Variants in CSMD2 observed in about 807,000 individuals in gnomAD.
CSMD2 encodes the protein CUB and Sushi multiple domains 2.
A neutral mutation model predicts 398.5 loss-of-function variants in CSMD2; 130 were observed. That is an observed-to-expected ratio of 0.33 (90% confidence interval 0.28 to 0.38). The LOEUF (loss-of-function observed/expected upper bound fraction) is 0.38, where lower values mean the gene tolerates loss of function less well. CSMD2 is among the 10% of genes least tolerant of loss of function. The pLI, the probability that CSMD2 is intolerant of heterozygous loss-of-function variation, is 1.00. For synonymous variants in CSMD2, 1,828 were observed against 1,908.5 expected, an observed-to-expected ratio of 0.96 and a Z score of 1.10; for missense variants, 3,829 against 4,764.9, an observed-to-expected ratio of 0.80 and a Z score of 5.78.
At chr1:33,524,752 T>A in intron 66 of CSMD2, 130 bp downstream of exon 66, 1 of 853,524 alleles carries the variant, frequency 1.2e-6, no homozygotes, top group Non-Finnish European at 1.8e-6. Flanking sequence ...AATAGACACT[T>A]CCTCTTCCCT....
At chr1:33,974,188 G>C (rs1255769393) in intron 3 of CSMD2, among the ~76,000 whole-genome samples, 4 of 152,188 alleles carry the variant, frequency 2.6e-5, no homozygotes, top group Non-Finnish European at 5.9e-5. Context: ...AACATCCCCG[G>C]TATATCAAAG....
chr1:33,646,311 T>A (rs919589025), intron 29 of CSMD2, among the ~76,000 whole-genome samples: 1 of 152,072 alleles, frequency 6.6e-6, no homozygotes, highest in African/African-American at 2.4e-5. Context: ...TTTAGTGAAG[T>A]GGAGTGAAGG....
chr1:33,719,937 G>C (rs1032478488), intron 19 of CSMD2, among the ~76,000 whole-genome samples: 6 of 152,186 alleles, frequency 3.9e-5, no homozygotes, highest in Non-Finnish European at 7.4e-5. Context: ...AAAGGTGTCA[G>C]CTCTGGGGTC....
chr1:33,649,079 A>G (rs1163252988), intron 28 of CSMD2, among the ~76,000 whole-genome samples: 1 of 152,188 alleles, frequency 6.6e-6, no homozygotes, highest in Non-Finnish European at 1.5e-5. Flanking sequence ...AAACTTTTTG[A>G]AGTCCCCCCT....
chr1:34,089,301 C>T, intron 1 of CSMD2, 108 bp from the exon 2 acceptor site: 2 of 1,079,554 alleles, frequency 1.9e-6, no homozygotes, highest in Non-Finnish European at 1.4e-6. Flanking sequence ...TTTCCAAGTG[C>T]TTCCCATGAG....
At chr1:33,654,437 A>C (rs572910238) in intron 27 of CSMD2, among the ~76,000 whole-genome samples, 1 of 152,068 alleles carries the variant, frequency 6.6e-6, no homozygotes, top group Non-Finnish European at 1.5e-5. Flanking sequence ...TAGCCAGAGT[A>C]GAGGAGGCGT....
intron 13 of CSMD2, among the ~76,000 whole-genome samples, chr1:33,771,883 C>T (rs1401180491): frequency 6.6e-6 from 1 of 152,180 alleles, no homozygotes; most frequent in Admixed American, 6.5e-5. Flanking sequence ...CTGGGCCTCC[C>T]TTGGCTACAC....
At position 33,618,712 on chromosome 1, in the gene CSMD2, G is replaced by A. The variant is rs551881857; in HGVS notation, c.5828-1095C>T. ...CTGAGCACTTCCATGAGCAAGGCTG[G>A]GGCCCATTGGTGAGGGTATCCCCTC... On this transcript the variant is annotated intron_variant, in intron 37 of 70. Coordinates refer to ENST00000373381, the MANE Select transcript of CSMD2 (RefSeq NM_001281956.2). Among the ~76,000 whole-genome samples, 4 of 152,032 alleles carry A rather than the reference G, an allele frequency of 2.6e-5. No individual in the cohort carries two copies. The East Asian group carries it at 7.8e-4, about 30-fold the overall frequency.
intron 3 of CSMD2, among the ~76,000 whole-genome samples, chr1:33,947,693 G>A (rs1455203737): frequency 6.6e-6 from 1 of 152,206 alleles, no homozygotes; most frequent in Non-Finnish European, 1.5e-5. Flanking sequence ...CAGGGCGACT[G>A]CAAAAGACAG....
Position 33,592,265 on chromosome 1 carries a change from A to C in CSMD2, c.6857-5097T>G. 9.0e-6 allele frequency: 6 copies of C among 665,784 alleles called. No homozygotes were observed. In the South Asian group the frequency reaches 1.0e-4, roughly 11 times the overall value. 41.2% of individuals were successfully genotyped at this position (665,784 alleles called of 1,614,324 possible). Reference sequence around the variant, plus strand: ...GTTCTACTTTTTGGTCCACATGGAAAGTAGAAGAGCAGCAATCCATTGCAC... The same window carrying C: ...GTTCTACTTTTTGGTCCACATGGAACGTAGAAGAGCAGCAATCCATTGCAC... On this transcript the variant is annotated intron_variant, in intron 44 of 70. Coordinates refer to ENST00000373381, the MANE Select transcript of CSMD2 (RefSeq NM_001281956.2).
At chr1:33,999,062 GA>G (rs1191866345) in intron 3 of CSMD2, among the ~76,000 whole-genome samples, 2 of 152,138 alleles carry the variant, frequency 1.3e-5, no homozygotes, top group African/African-American at 4.8e-5. Flanking sequence ...CTTCTGGTTT[GA>G]GTGGCCCCAG....
At chr1:34,142,656 G>C (rs140937686) in intron 1 of CSMD2, among the ~76,000 whole-genome samples, 64 of 152,324 alleles carry the variant, frequency 4.2e-4, no homozygotes, top group Middle Eastern at 3.4e-3. Context: ...ATGGGCTTTG[G>C]AGTCATGCAG....
intron 12 of CSMD2, among the ~76,000 whole-genome samples, chr1:33,778,422 G>T (rs758076773): frequency 1.3e-5 from 2 of 152,046 alleles, no homozygotes; most frequent in Admixed American, 1.3e-4. Flanking sequence ...GTATAACAGC[G>T]AATAAAAGGA....
intron 1 of CSMD2, among the ~76,000 whole-genome samples, chr1:34,150,079 C>CTTTTTTTTTT (rs772520303): frequency 7.2e-6 from 1 of 138,090 alleles, no homozygotes; most frequent in African/African-American, 2.7e-5. Context: ...TTTCTTCTTT[C>CTTTTTTTTTT]TTTTTTTTTT....
chr1:33,725,434 G>C lies in CSMD2; in HGVS notation c.2610C>G (p.Phe870Leu). 6.2e-7 allele frequency: 1 copy of C among 1,614,118 alleles called. No homozygotes were observed. Among genetic ancestry groups the C allele is most frequent in the Non-Finnish European group, 8.5e-7 (1 of 1,179,970 alleles). ...GVYHGTQVPQFLISTSNYLYL... is the reference protein window; with the variant it reads ...GVYHGTQVPQLLISTSNYLYL... ...AGAGGTAGTTGCTGGTGCTGATGAG[G>C]AACTGGGGAACCTGGGTCCCGTGGT... Residue 870 changes from phenylalanine to leucine, a missense_variant, in exon 17 of 71, where the codon TTC (phenylalanine) becomes TTG (leucine). Around this residue, in one of 5 missense-constraint regions of CSMD2, gnomAD observed 2,001 missense variants for 2,567.1 expected, o/e 0.78. Transcript: ENST00000373381.
At position 33,633,289 on chromosome 1, in the gene CSMD2, C is replaced by G; in HGVS notation, c.5200+133G>C. ...CTGGCTGCTGCGTTGTAGACAAGCA[C>G]CAGAACACGACAGGCACGCAGAGCC... On this transcript the variant is annotated intron_variant, in intron 32 of 70. Coordinates refer to ENST00000373381, the MANE Select transcript of CSMD2 (RefSeq NM_001281956.2). This position sits in a 1 kb window ranked among gnomAD's most constrained non-coding sequence, Gnocchi z 5.0. The G allele has an allele frequency of 1.4e-6, 1 of 690,318 alleles. No individual in the cohort carries two copies. Among genetic ancestry groups the G allele is most frequent in the South Asian group, 1.7e-5 (1 of 57,228 alleles). The allele number at this position is 690,318 out of a possible 1,614,324, so 42.8% of individuals were successfully genotyped here.
Position 33,633,289 on chromosome 1 carries a change from C to T in CSMD2, c.5200+133G>A. On this transcript the variant is annotated intron_variant, in intron 32 of 70. Coordinates refer to ENST00000373381, the MANE Select transcript of CSMD2 (RefSeq NM_001281956.2). This position sits in a 1 kb window ranked among gnomAD's most constrained non-coding sequence, Gnocchi z 5.0. ...CTGGCTGCTGCGTTGTAGACAAGCA[C>T]CAGAACACGACAGGCACGCAGAGCC... The T allele has an allele frequency of 1.4e-6, 1 of 690,318 alleles. No individual in the cohort carries two copies. Among genetic ancestry groups the T allele is most frequent in the Non-Finnish European group, 2.5e-6 (1 of 395,294 alleles). The allele number at this position is 690,318 out of a possible 1,614,324, so 42.8% of individuals were successfully genotyped here.
intron 40 of CSMD2, among the ~76,000 whole-genome samples, chr1:33,611,870 A>G (rs1376290218): frequency 6.6e-6 from 1 of 152,216 alleles, no homozygotes; most frequent in African/African-American, 2.4e-5. Flanking sequence ...AGGTGGGAAC[A>G]TTTATGTTTG....
At chr1:33,825,393 T>C (rs1658678301) in intron 7 of CSMD2, among the ~76,000 whole-genome samples, 1 of 152,136 alleles carries the variant, frequency 6.6e-6, no homozygotes, top group Non-Finnish European at 1.5e-5. Context: ...GTGGAAGTGA[T>C]TCAAAAGGAA....
Sources: allele counts gnomAD v4.1 joint callset (sites outside exome capture counted in the v4.1 genomes callset), GRCh38; gene constraint gnomAD v4.1.1; regional missense constraint gnomAD v4.1.1; non-coding constraint Gnocchi (gnomAD v3.1); transcripts MANE v1.5; gene names NCBI Gene and HGNC (gene_info 2026-07-23, HGNC 2026-07-21).